INSIG2: variants seen among roughly 807,000 people sequenced by gnomAD.
The protein encoded by INSIG2 is insulin-induced gene 2 protein.
A neutral mutation model predicts 27.2 loss-of-function variants in INSIG2; 10 were observed. The ratio of observed to expected loss-of-function variants is 0.37; its 90% CI spans 0.23 to 0.62. INSIG2 has a LOEUF of 0.62. INSIG2 is among the 20% of genes least tolerant of loss of function. INSIG2 has a pLI of 0.65. For synonymous variants in INSIG2, 97 were observed against 95.8 expected (o/e 1.01, Z -0.07); for missense variants, 178 against 270.2 (o/e 0.66, Z 2.39).
At chr2:118,101,857 C>T (rs1678553369) in intron 2 of INSIG2, among the ~76,000 whole-genome samples, 1 of 152,208 alleles carries the variant, frequency 6.6e-6, no homozygotes, top group Non-Finnish European at 1.5e-5. Context: ...CTATACTCAG[C>T]ACATGCCTAA....
chr2:118,105,349 A>G (rs1678648689), intron 3 of INSIG2, among the ~76,000 whole-genome samples: 1 of 152,132 alleles, frequency 6.6e-6, no homozygotes, highest in Admixed American at 6.5e-5. Context: ...CCCATATGGC[A>G]CTATTTTAAG....
At chr2:118,094,037 T>G (rs1195901083) in intron 1 of INSIG2, among the ~76,000 whole-genome samples, 5 of 95,520 alleles carry the variant, frequency 5.2e-5, no homozygotes, top group African/African-American at 1.6e-4. Context: ...ATGATGATGA[T>G]GATGATGATG....
At chr2:118,093,935 T>TGAG (rs1372505508) in intron 1 of INSIG2, among the ~76,000 whole-genome samples, 19 of 27,260 alleles carry the variant, frequency 7.0e-4, no homozygotes, top group Non-Finnish European at 1.1e-3. Context: ...ATGATGATGA[T>TGAG]GATGATGAGG....
chr2:118,108,666 G>T lies in INSIG2; in HGVS notation c.*344G>T. 1 of 173,646 alleles carries T rather than the reference G, an allele frequency of 5.8e-6. No homozygotes were observed. Among genetic ancestry groups the T allele is most frequent in the Non-Finnish European group, 1.2e-5 (1 of 82,272 alleles). 10.8% of individuals were successfully genotyped at this position (173,646 alleles called of 1,614,324 possible). A position where few individuals can be genotyped will look rare whatever the true frequency, so the allele number is the denominator to read the frequency against. ...CACAATGTTAATGTGCCAAGATATT[G>T]TTCCTGTCATGCAGAGTATAAGAAT... is the stretch of plus-strand genomic sequence containing the variant. On this transcript the variant is annotated 3_prime_UTR_variant, in exon 6 of 6. Transcript: ENST00000245787.
At chr2:118,104,034 T>C (rs1268461515) in intron 3 of INSIG2, among the ~76,000 whole-genome samples, 2 of 152,308 alleles carry the variant, frequency 1.3e-5, no homozygotes, top group South Asian at 4.1e-4. Context: ...TTTCCTCTCT[T>C]GTACTTCCTC....
chr2:118,106,943 GATAAATAAATGATA>G (rs773508558), intron 4 of INSIG2, 40 bp downstream of exon 4: 16 of 1,601,224 alleles, frequency 1.0e-5, no homozygotes, highest in Non-Finnish European at 1.4e-5. Context: ...TTGTTTGCTA[GATAAATAAATGATA>G]ACCGCTTTCA....
chr2:118,105,090 G>T (rs1195935430), intron 3 of INSIG2, among the ~76,000 whole-genome samples: 1 of 152,092 alleles, frequency 6.6e-6, no homozygotes, highest in Non-Finnish European at 1.5e-5. Flanking sequence ...ACCCAGGCTG[G>T]AATGCAGTGG....
intron 2 of INSIG2, among the ~76,000 whole-genome samples, chr2:118,099,395 G>C (rs1042990603): frequency 1.3e-5 from 2 of 152,184 alleles, no homozygotes; most frequent in Non-Finnish European, 2.9e-5. Context: ...AAATTTGCTA[G>C]TGGTGGTTCT....
rs764425108 is a variant in INSIG2, at chr2:118,107,148, G to T, written c.595G>T (p.Gly199Ter). 6.2e-7 allele frequency: 1 copy of T among 1,613,270 alleles called. No homozygotes were observed. Among genetic ancestry groups the T allele is most frequent in the Non-Finnish European group, 8.5e-7 (1 of 1,179,432 alleles). ...RSWLPCIFFA[G>*]GITMGNIGRQ... ...TTGGTTACCATGTATATTTTTTGCT[G>T]GAGGCATAACAATGGGAAACATTGG... The change falls in exon 5 of 6, where the codon GGA becomes TGA. Residue 199 changes from glycine (G) to a stop codon, truncating the protein, a stop_gained. Transcript: ENST00000245787. LOFTEE classifies it high-confidence loss of function.
chr2:118,100,373 C>CTTTTT (rs70949913), intron 2 of INSIG2, among the ~76,000 whole-genome samples: 51 of 81,514 alleles, frequency 6.3e-4, no homozygotes, highest in East Asian at 8.6e-4. Context: ...ACTCTTTTGC[C>CTTTTT]TTTTTTTTTT....
chr2:118,102,786 A>G lies in INSIG2; in HGVS notation c.245-411A>G, dbSNP rs147419859. ...ATTTGTGGCATATAATAAATATTTT[A>G]TGGTTTGGAGTTTAGAGAGAACATT... On this transcript the variant is annotated intron_variant, in intron 2 of 5. Transcript: ENST00000245787. The G allele has an allele frequency of 1.1e-3, 178 of 162,924 alleles. 2 individuals are homozygous for G. The East Asian group carries it at 0.027, about 24-fold the overall frequency. The allele number at this position is 162,924 out of a possible 1,614,324, so 10.1% of individuals were successfully genotyped here.
intron 3 of INSIG2, among the ~76,000 whole-genome samples, chr2:118,105,370 CTATT>C (rs1451357733): frequency 1.3e-5 from 2 of 152,174 alleles, no homozygotes; most frequent in African/African-American, 4.8e-5. Flanking sequence ...ATTGATATAT[CTATT>C]TACGCTGGAA....
At chr2:118,093,865 A>AT (rs1558832705) in intron 1 of INSIG2, among the ~76,000 whole-genome samples, 4 of 85,378 alleles carry the variant, frequency 4.7e-5, no homozygotes, top group East Asian at 4.0e-4. Flanking sequence ...GATGATGATG[A>AT]GGAGGAGGAG....
At chr2:118,105,698 T>G (rs889606663) in intron 3 of INSIG2, among the ~76,000 whole-genome samples, 1 of 151,920 alleles carries the variant, frequency 6.6e-6, no homozygotes, top group Admixed American at 6.6e-5. Context: ...TTGGTAGGGG[T>G]GGGGAAATGG....
At chr2:118,102,446 T>C (rs1678569309) in intron 2 of INSIG2, 1 of 152,206 alleles carries the variant, frequency 6.6e-6, no homozygotes, top group African/African-American at 2.4e-5. Flanking sequence ...GATTTCTTCT[T>C]CTAACAGTGC....
In INSIG2 at chr2:118,108,836, G is replaced by A. The variant is rs1678741767; in HGVS notation, c.*514G>A. ...TTCTAATCACAGCAGTATGAGTTAT[G>A]AGTGCCCTAATTTGTGGTTAGTTTC... On this transcript the variant is annotated 3_prime_UTR_variant, in exon 6 of 6. Transcript: ENST00000245787. 1 of 152,268 alleles carries A rather than the reference G, an allele frequency of 6.6e-6. No individual in the cohort carries two copies. Among genetic ancestry groups the A allele is most frequent in the Non-Finnish European group, 1.5e-5 (1 of 68,060 alleles). 9.4% of individuals were successfully genotyped at this position (152,268 alleles called of 1,614,324 possible).
chr2:118,101,623 GA>G (rs1218569442), intron 2 of INSIG2, among the ~76,000 whole-genome samples: 2 of 151,764 alleles, frequency 1.3e-5, no homozygotes, highest in Non-Finnish European at 2.9e-5. Context: ...GACCCCTTGA[GA>G]AAAAAAGAGG....
At chr2:118,095,094 C>T (rs1678375876) in intron 1 of INSIG2, among the ~76,000 whole-genome samples, 2 of 152,194 alleles carry the variant, frequency 1.3e-5, no homozygotes, top group African/African-American at 4.8e-5. Flanking sequence ...AAAACATTTA[C>T]AATCCATAAA....
chr2:118,096,742 G>A lies in INSIG2; in HGVS notation c.186G>A (p.Val62=), dbSNP rs539714248. Residue 62 remains valine (V), a synonymous_variant, in exon 2 of 6, where the codon GTG becomes GTA. Coordinates refer to ENST00000245787, the MANE Select transcript of INSIG2 (RefSeq NM_016133.4). ...QRNVTLFPPD[V]IASIFSSAWW... ...ATGTGACGCTCTTTCCACCTGATGT[G>A]ATTGCAAGCATCTTTTCTTCTGCAT... 1.2e-6 allele frequency: 2 copies of A among 1,613,962 alleles called. No individual in the cohort carries two copies. The highest frequency in any genetic ancestry group is 2.7e-5 in the African/African-American group (2 of 75,024).
Sources: gnomAD v4.1 joint callset for allele counts (sites outside exome capture counted in the v4.1 genomes callset) on GRCh38, gnomAD v4.1.1 for gene constraint, MANE v1.5 for transcripts, NCBI Gene and HGNC (gene_info 2026-07-23, HGNC 2026-07-21) for gene names.